Variants in C10orf90 observed in about 807,000 individuals in gnomAD.
C10orf90 encodes (E2-independent) E3 ubiquitin-conjugating enzyme FATS.
A neutral mutation model predicts 62.5 loss-of-function variants in C10orf90; 56 were observed. The ratio of observed to expected loss-of-function variants is 0.90; its 90% CI spans 0.72 to 1.12. C10orf90 has a LOEUF of 1.12. Ranked by LOEUF, C10orf90 falls within the 50% of genes most tolerant of loss-of-function variation. The pLI is 0.00. For missense variants in C10orf90, 970 were observed against 880.4 expected (o/e 1.10, Z -1.29); for synonymous variants, 386 against 340.4 (o/e 1.13, Z -1.47).
intron 2 of C10orf90, among the ~76,000 whole-genome samples, chr10:126,582,947 A>G (rs1325620851): frequency 6.6e-6 from 1 of 152,218 alleles, no homozygotes; most frequent in East Asian, 1.9e-4. Context: ...ATTCTGCAGG[A>G]GCATTTCTCA....
intron 2 of C10orf90, among the ~76,000 whole-genome samples, chr10:126,556,080 C>T (rs1200287344): frequency 4.6e-5 from 7 of 152,168 alleles, no homozygotes; most frequent in Admixed American, 3.3e-4. Flanking sequence ...AGATGATAAA[C>T]GAGTCTCCAC....
In C10orf90 at chr10:126,496,722, G is replaced by A. The variant is rs529140390; in HGVS notation, c.1534+7235C>T. On this transcript the variant is annotated intron_variant, in intron 4 of 9. Coordinates refer to ENST00000488181, the MANE Select transcript of C10orf90 (RefSeq NM_001350921.2). The stretch of plus-strand genomic sequence containing the variant: ...TTGCCAGAGAGGTTTTGAATATGGG[G>A]ATGGGGAAAGGTAGTTTGAGGAAGG... 1,179 of 985,084 alleles carry A rather than the reference G, an allele frequency of 1.2e-3. 4 individuals carry two copies. The highest frequency in any genetic ancestry group is 9.8e-3 in the South Asian group (208 of 21,272). The allele number at this position is 985,084 out of a possible 1,614,324, so 61.0% of individuals were successfully genotyped here.
chr10:126,480,840 G>A (rs1440368634), intron 4 of C10orf90, among the ~76,000 whole-genome samples: 6 of 152,158 alleles, frequency 3.9e-5, no homozygotes, highest in Non-Finnish European at 7.4e-5. Context: ...TTGCTTTGTT[G>A]ACTTTCCTGC....
intron 3 of C10orf90, among the ~76,000 whole-genome samples, chr10:126,512,404 CTGTGTG>C (rs1378076687): frequency 4.6e-5 from 1 of 21,588 alleles, no homozygotes; most frequent in Non-Finnish European, 1.8e-4. Context: ...GTGTGTGTGT[CTGTGTG>C]TCTGTGTGTG....
intron 2 of C10orf90, among the ~76,000 whole-genome samples, chr10:126,645,236 A>G (rs1444873407): frequency 6.7e-6 from 1 of 148,294 alleles, no homozygotes; most frequent in African/African-American, 2.5e-5. Flanking sequence ...CATTGTGCAC[A>G]TGTACCCTAA....
intron 7 of C10orf90, among the ~76,000 whole-genome samples, chr10:126,443,300 C>A (rs1432826076): frequency 6.6e-6 from 1 of 151,846 alleles, no homozygotes; most frequent in African/African-American, 2.4e-5. Flanking sequence ...GAGAGAAAAT[C>A]CAAATAACCT....
intron 4 of C10orf90, among the ~76,000 whole-genome samples, chr10:126,485,874 G>A (rs1861408946): frequency 6.6e-6 from 1 of 151,920 alleles, no homozygotes; most frequent in Admixed American, 6.6e-5. Flanking sequence ...ATGAACCCGG[G>A]AGGCGGAGCT....
chr10:126,521,468 G>T, intron 2 of C10orf90: 1 of 1,478,034 alleles, frequency 6.8e-7, no homozygotes, highest in South Asian at 1.4e-5. Flanking sequence ...TTCCAGCCTC[G>T]GCCAAAGAAC....
At chr10:126,485,068 A>C (rs550486951) in intron 4 of C10orf90, among the ~76,000 whole-genome samples, 1 of 152,330 alleles carries the variant, frequency 6.6e-6, no homozygotes, top group South Asian at 2.1e-4. Context: ...CCCTAATCTC[A>C]GTGTGATATT....
intron 2 of C10orf90, among the ~76,000 whole-genome samples, chr10:126,607,067 G>A (rs1845328125): frequency 6.6e-6 from 1 of 152,146 alleles, no homozygotes; most frequent in Non-Finnish European, 1.5e-5. Context: ...GTTACCATTT[G>A]CACAGATGGG....
chr10:126,653,147 A>C (rs1846323990), intron 1 of C10orf90, among the ~76,000 whole-genome samples: 1 of 152,190 alleles, frequency 6.6e-6, no homozygotes, highest in African/African-American at 2.4e-5. Context: ...GACAGCTGCC[A>C]GCTGATCAGG....
intron 2 of C10orf90, among the ~76,000 whole-genome samples, chr10:126,613,527 T>A (rs1845481481): frequency 6.6e-6 from 1 of 152,246 alleles, no homozygotes; most frequent in African/African-American, 2.4e-5. Context: ...ATTACAGGCA[T>A]GAGCCACCAT....
At chr10:126,513,388 C>T (rs897176137) in intron 3 of C10orf90, among the ~76,000 whole-genome samples, 6 of 152,276 alleles carry the variant, frequency 3.9e-5, no homozygotes, top group East Asian at 1.9e-4. Flanking sequence ...GATACATTGA[C>T]GATATTAACC....
intron 3 of C10orf90, among the ~76,000 whole-genome samples, chr10:126,512,628 C>A (rs1041377021): frequency 1.3e-5 from 2 of 152,040 alleles, no homozygotes; most frequent in African/African-American, 4.8e-5. Context: ...CATGCCCTTC[C>A]CTGACTCAAT....
At chr10:126,485,165 G>A (rs897968114) in intron 4 of C10orf90, among the ~76,000 whole-genome samples, 3 of 152,194 alleles carry the variant, frequency 2.0e-5, no homozygotes, top group Non-Finnish European at 2.9e-5. Context: ...GCAGCAGCCA[G>A]TGAGCTAGCT....
intron 4 of C10orf90, among the ~76,000 whole-genome samples, chr10:126,491,231 A>C (rs1861754135): frequency 6.6e-6 from 1 of 152,254 alleles, no homozygotes; most frequent in Non-Finnish European, 1.5e-5. Flanking sequence ...AATCATACAC[A>C]AAAGAGTATG....
At chr10:126,461,675 G>C in intron 5 of C10orf90, 90 bp from the exon 6 acceptor site, 14 of 1,239,512 alleles carry the variant, frequency 1.1e-5, no homozygotes, top group East Asian at 2.7e-5. Flanking sequence ...AGACAATTTT[G>C]AAAATAGAAA....
rs188100915 is a variant in C10orf90, at chr10:126,620,872, C to A, written c.313+25693G>T. ...ATGGAAGGGAGGATGATCTATAGTT[C>A]CAACTAGCTCAACAACTATGGATTT... On this transcript the variant is annotated intron_variant, in intron 2 of 9. Coordinates refer to ENST00000488181, the MANE Select transcript of C10orf90 (RefSeq NM_001350921.2). Among the ~76,000 whole-genome samples, 384 of 152,228 alleles carry A rather than the reference C, an allele frequency of 2.5e-3. 5 individuals carry two copies. Among genetic ancestry groups the A allele is most frequent in the Non-Finnish European group, 8.4e-4 (57 of 68,022 alleles).
intron 2 of C10orf90, among the ~76,000 whole-genome samples, chr10:126,518,478 C>T (rs1053208810): frequency 2.0e-5 from 3 of 152,120 alleles, no homozygotes; most frequent in Admixed American, 2.0e-4. Flanking sequence ...AAAAACCACA[C>T]CTAGTCTGTG....
Sources: gnomAD v4.1 joint callset for allele counts (sites outside exome capture counted in the v4.1 genomes callset) on GRCh38, gnomAD v4.1.1 for gene constraint, MANE v1.5 for transcripts, NCBI Gene and HGNC (gene_info 2026-07-23, HGNC 2026-07-21) for gene names.